The following RYR2 variants were observed in gnomAD, a reference collection of about 807,000 sequenced individuals.
The protein encoded by RYR2 is ryanodine receptor 2, also known as cardiac muscle ryanodine receptor-calcium release channel.
RYR2 carries 227 observed loss-of-function variants against 601.1 expected under a neutral mutation model. The observed-to-expected ratio is 0.38, with a 90% confidence interval of 0.34 to 0.42. The LOEUF (loss-of-function observed/expected upper bound fraction) is 0.42. Ranked by LOEUF, RYR2 falls within the 10% of genes least tolerant of loss-of-function variation. The pLI is 1.00. For missense variants in RYR2, 4,646 were observed against 6,156.5 expected, an observed-to-expected ratio of 0.75 and a Z score of 8.21; for synonymous variants, 2,223 against 2,175.1, an observed-to-expected ratio of 1.02 and a Z score of -0.61.
At chr1:237,277,457 G>T (rs1690401533) in intron 2 of RYR2, among the ~76,000 whole-genome samples, 2 of 152,190 alleles carry the variant, frequency 1.3e-5, no homozygotes, top group Non-Finnish European at 2.9e-5. Context: ...AGATGTAGAT[G>T]ATTTGATTAT....
Position 237,784,425 on chromosome 1 carries a change from T to G in RYR2, c.12713T>G (p.Ile4238Ser). 1 of 1,613,804 alleles carries G rather than the reference T, an allele frequency of 6.2e-7. No individual in the cohort carries two copies. Among genetic ancestry groups the G allele is most frequent in the Non-Finnish European group, 8.5e-7 (1 of 1,179,822 alleles). Residue 4238 changes from isoleucine to serine, a missense_variant, in exon 90 of 105, where the codon ATT (isoleucine) becomes AGT (serine). Transcript: ENST00000366574. The surrounding 1 kb of genome is among the most constrained non-coding windows in gnomAD (Gnocchi z 7.1). Reference sequence around the variant, plus strand: ...GGGCCGAGGATGGCTTTCTTCTCCATTCTGACGGTCAGGTCGGCCCTGTTT... The same window carrying G: ...GGGCCGAGGATGGCTTTCTTCTCCAGTCTGACGGTCAGGTCGGCCCTGTTT... ...EQGPRMAFFS[I>S]LTVRSALFAL...
chr1:237,209,882 G>A (rs1682375083), intron 1 of RYR2, among the ~76,000 whole-genome samples: 2 of 152,138 alleles, frequency 1.3e-5, no homozygotes, highest in African/African-American at 2.4e-5. Context: ...AGAGAGCCAA[G>A]TGTGACAGCC....
intron 1 of RYR2, among the ~76,000 whole-genome samples, chr1:237,045,095 A>G (rs1195291868): frequency 1.3e-5 from 2 of 152,108 alleles, no homozygotes; most frequent in Non-Finnish European, 2.9e-5. Flanking sequence ...AGTCATTAAG[A>G]CACCGTAATT....
intron 2 of RYR2, among the ~76,000 whole-genome samples, chr1:237,296,969 G>C (rs1289621917): frequency 1.3e-5 from 2 of 152,190 alleles, no homozygotes; most frequent in Non-Finnish European, 2.9e-5. Context: ...TCTATATACA[G>C]TTGTATTTTA....
At chr1:237,275,353 A>C (rs1242433744) in intron 2 of RYR2, among the ~76,000 whole-genome samples, 2 of 152,134 alleles carry the variant, frequency 1.3e-5, no homozygotes, top group East Asian at 3.8e-4. Context: ...GTATACAAAA[A>C]CAAAGGCATT....
intron 25 of RYR2, among the ~76,000 whole-genome samples, chr1:237,547,003 A>ATATT (rs1262417140): frequency 1.4e-5 from 2 of 143,256 alleles, no homozygotes; most frequent in Middle Eastern, 3.6e-3. Flanking sequence ...ATATTTATTT[A>ATATT]TTTATTTATT....
At position 237,514,501 on chromosome 1, in the gene RYR2, T is replaced by C. The variant is rs193066663; in HGVS notation, c.2822+2710T>C. ...ATAGCTAGTTTATATGGTTTTATGATGGACTGATTTTTATTTATTTATTTA... is the reference window on the plus strand; with the variant it reads ...ATAGCTAGTTTATATGGTTTTATGACGGACTGATTTTTATTTATTTATTTA... On this transcript the variant is annotated intron_variant, in intron 24 of 104. Transcript: ENST00000366574. Among the ~76,000 whole-genome samples the C allele has an allele frequency of 2.4e-3, 369 of 152,350 alleles. 1 individual carries two copies. The highest frequency in any genetic ancestry group is 8.5e-3 in the African/African-American group (352 of 41,580).
In RYR2 at chr1:237,806,187, T is replaced by C. The variant is rs2149437556; in HGVS notation, c.14202T>C (p.Tyr4734=). The change falls in exon 99 of 105, where the codon TAT becomes TAC. Residue 4734 remains tyrosine (Y), a synonymous_variant. Transcript: ENST00000366574. The part of the protein sequence containing the change: ...WYMTMSVLGH[Y]NNFFFAAHLL... ...TGACTATGTCTGTTCTTGGACACTA[T>C]AACAACTTTTTTTTTGCCGCTCACC... The C allele has an allele frequency of 6.2e-7, 1 of 1,613,640 alleles. No homozygotes were observed. The highest frequency in any genetic ancestry group is 8.5e-7 in the Non-Finnish European group (1 of 1,179,586).
At chr1:237,215,613 G>A (rs1683069598) in intron 1 of RYR2, among the ~76,000 whole-genome samples, 1 of 152,076 alleles carries the variant, frequency 6.6e-6, no homozygotes, top group Non-Finnish European at 1.5e-5. Flanking sequence ...AAGAGAGAAA[G>A]CAGACTGGGT....
At chr1:237,416,583 A>G (rs1705012988) in intron 10 of RYR2, among the ~76,000 whole-genome samples, 1 of 152,226 alleles carries the variant, frequency 6.6e-6, no homozygotes, top group South Asian at 2.1e-4. Context: ...TTTCTTTAAA[A>G]TGCTTTAAAT....
chr1:237,482,199 G>A (rs758831137), intron 17 of RYR2, among the ~76,000 whole-genome samples: 21 of 151,924 alleles, frequency 1.4e-4, no homozygotes, highest in African/African-American at 5.1e-4. Flanking sequence ...ATCCAGTTAC[G>A]TTCTTTAAGT....
intron 1 of RYR2, 54 bp downstream of exon 1, chr1:237,042,623 A>G (rs957408377): frequency 8.0e-7 from 1 of 1,246,244 alleles, no homozygotes; most frequent in Non-Finnish European, 1.0e-6. Flanking sequence ...CAGGGCATCC[A>G]CTAGCGGGGT....
chr1:237,377,477 A>C (rs774683199), intron 8 of RYR2, 42 bp downstream of exon 8: 4 of 1,414,522 alleles, frequency 2.8e-6, no homozygotes, highest in Non-Finnish European at 4.0e-6. Flanking sequence ...TGATATGCTA[A>C]ATGACAAGTC....
chr1:237,506,277 C>T (rs963085482), intron 22 of RYR2, among the ~76,000 whole-genome samples: 2 of 151,944 alleles, frequency 1.3e-5, no homozygotes, highest in Non-Finnish European at 2.9e-5. Flanking sequence ...GTGGCTCACG[C>T]CTGTAATCCC....
intron 60 of RYR2, among the ~76,000 whole-genome samples, chr1:237,675,175 T>C (rs1365972794): frequency 1.3e-5 from 2 of 152,196 alleles, no homozygotes; most frequent in African/African-American, 4.8e-5. Flanking sequence ...TCAGTTGCTC[T>C]ACTCATAAGA....
chr1:237,525,350 T>C (rs1667461292), intron 24 of RYR2, among the ~76,000 whole-genome samples: 1 of 152,206 alleles, frequency 6.6e-6, no homozygotes, highest in Non-Finnish European at 1.5e-5. Flanking sequence ...CCATATTTTC[T>C]TTTTGCAGTC....
intron 101 of RYR2, among the ~76,000 whole-genome samples, chr1:237,822,013 A>G (rs1662562406): frequency 6.6e-6 from 1 of 152,088 alleles, no homozygotes; most frequent in Non-Finnish European, 1.5e-5. Context: ...CCTCCAGGAA[A>G]TATGGGACTA....
intron 1 of RYR2, among the ~76,000 whole-genome samples, chr1:237,256,508 G>A (rs1468680236): frequency 6.6e-6 from 1 of 152,138 alleles, no homozygotes; most frequent in Non-Finnish European, 1.5e-5. Flanking sequence ...TGCATCTGGG[G>A]CTGGCTGTGC....
At chr1:237,723,314 T>C in intron 74 of RYR2, 52 bp downstream of exon 74, 1 of 1,455,926 alleles carries the variant, frequency 6.9e-7, no homozygotes, top group Admixed American at 1.8e-5. Context: ...ATACAAATAT[T>C]TTAAAAAGAG....
Sources: gnomAD v4.1 joint callset for allele counts (sites outside exome capture counted in the v4.1 genomes callset) on GRCh38, gnomAD v4.1.1 for gene constraint, Gnocchi (gnomAD v3.1) non-coding constraint, MANE v1.5 for transcripts, NCBI Gene and HGNC (gene_info 2026-07-23, HGNC 2026-07-21) for gene names.